ENTREP2: variants seen among roughly 807,000 people sequenced by gnomAD.
The protein encoded by ENTREP2 is endosomal transmembrane epsin interactor 2.
At chr15:29,160,708 CAAA>C in the ENTREP2 span, among the ~76,000 whole-genome samples, 4 of 36,256 alleles carry the variant, frequency 1.1e-4, no homozygotes, top group East Asian at 1.7e-3. Flanking sequence ...GACTCTGTCT[CAAA>C]AAAAAAAAAA....
At chr15:29,616,117 T>C in the ENTREP2 span, among the ~76,000 whole-genome samples, 5 of 152,214 alleles carry the variant, frequency 3.3e-5, no homozygotes, top group African/African-American at 4.8e-5. Flanking sequence ...ACAATGCAAA[T>C]ATACAGCAGT....
the ENTREP2 span, among the ~76,000 whole-genome samples, chr15:29,660,164 T>C: frequency 1.3e-5 from 2 of 152,196 alleles, no homozygotes; most frequent in Non-Finnish European, 2.9e-5. Context: ...TGAGCTATTA[T>C]AAATAATATG....
chr15:29,651,848 A>C, the ENTREP2 span, among the ~76,000 whole-genome samples: 1 of 152,200 alleles, frequency 6.6e-6, no homozygotes, highest in African/African-American at 2.4e-5. Flanking sequence ...GGTGCCCCTT[A>C]GTTCAAGCAG....
the ENTREP2 span, among the ~76,000 whole-genome samples, chr15:29,133,644 C>T: frequency 6.6e-6 from 1 of 152,218 alleles, no homozygotes; most frequent in Non-Finnish European, 1.5e-5. Flanking sequence ...TTTGGCAAAT[C>T]CAGGCTCCTG....
At chr15:29,154,704 G>A in the ENTREP2 span, among the ~76,000 whole-genome samples, 12 of 152,194 alleles carry the variant, frequency 7.9e-5, no homozygotes, top group Non-Finnish European at 1.8e-4. Flanking sequence ...GGCACACAGA[G>A]TCTAGCAGCA....
the ENTREP2 span, among the ~76,000 whole-genome samples, chr15:29,533,218 A>G: frequency 1.3e-5 from 2 of 152,226 alleles, no homozygotes; most frequent in Non-Finnish European, 2.9e-5. Flanking sequence ...ATTCTCTTGC[A>G]GTGCGCTATG....
the ENTREP2 span, among the ~76,000 whole-genome samples, chr15:29,352,487 C>G: frequency 6.6e-6 from 1 of 152,204 alleles, no homozygotes; most frequent in African/African-American, 2.4e-5. Flanking sequence ...ACGGTTTCTT[C>G]CTGCTTATGA....
chr15:29,222,647 A>G, the ENTREP2 span, among the ~76,000 whole-genome samples: 1 of 152,116 alleles, frequency 6.6e-6, no homozygotes, highest in African/African-American at 2.4e-5. Context: ...ACTCATGCTC[A>G]GGAGAATGTG....
chr15:29,149,206 A>G, the ENTREP2 span, among the ~76,000 whole-genome samples: 3 of 152,292 alleles, frequency 2.0e-5, no homozygotes, highest in Admixed American at 2.0e-4. Context: ...CGCAACCGCC[A>G]TAGTTGTCTC....
chr15:29,436,859 C>A, the ENTREP2 span, among the ~76,000 whole-genome samples: 1 of 152,082 alleles, frequency 6.6e-6, no homozygotes, highest in African/African-American at 2.4e-5. Flanking sequence ...GAATTTCCAA[C>A]GATGTTATAT....
the ENTREP2 span, among the ~76,000 whole-genome samples, chr15:29,378,075 A>G: frequency 6.6e-6 from 1 of 152,034 alleles, no homozygotes; most frequent in Admixed American, 6.6e-5. Context: ...CACAGACTAC[A>G]GTTGGCTGGA....
chr15:29,406,809 A>G, the ENTREP2 span, among the ~76,000 whole-genome samples: 1 of 152,088 alleles, frequency 6.6e-6, no homozygotes, highest in East Asian at 1.9e-4. Context: ...ACACAGCCAA[A>G]TGCACACACT....
the ENTREP2 span, among the ~76,000 whole-genome samples, chr15:29,403,975 C>T: frequency 0.089 from 13,607 of 152,206 alleles, 890 homozygotes; most frequent in East Asian, 0.31. Context: ...CTCCTCCCTG[C>T]TGCAGGTACT....
At chr15:29,222,201 T>C in the ENTREP2 span, among the ~76,000 whole-genome samples, 9 of 152,182 alleles carry the variant, frequency 5.9e-5, no homozygotes, top group Non-Finnish European at 7.3e-5. Context: ...AAAACCAAGA[T>C]GGTGACAAGA....
the ENTREP2 span, among the ~76,000 whole-genome samples, chr15:29,260,928 A>G: frequency 6.6e-6 from 1 of 152,194 alleles, no homozygotes; most frequent in African/African-American, 2.4e-5. Context: ...AATGATGCTA[A>G]ACCTGTTTCG....
the ENTREP2 span, among the ~76,000 whole-genome samples, chr15:29,146,229 C>T: frequency 6.6e-6 from 1 of 152,190 alleles, no homozygotes; most frequent in African/African-American, 2.4e-5. Flanking sequence ...TGACAATATT[C>T]CTGAAACTGA....
chr15:29,207,157 C>G, the ENTREP2 span, among the ~76,000 whole-genome samples: 1 of 152,130 alleles, frequency 6.6e-6, no homozygotes, highest in African/African-American at 2.4e-5. Flanking sequence ...TGGAGAGATG[C>G]TGAATGCAGT....
At chr15:29,231,370 G>A in the ENTREP2 span, among the ~76,000 whole-genome samples, 1 of 152,062 alleles carries the variant, frequency 6.6e-6, no homozygotes, top group Non-Finnish European at 1.5e-5. Flanking sequence ...CAACTCCCTA[G>A]TAAATGGCCT....
At chr15:29,389,158 A>G in the ENTREP2 span, among the ~76,000 whole-genome samples, 1 of 151,892 alleles carries the variant, frequency 6.6e-6, no homozygotes, top group South Asian at 2.1e-4. Context: ...GAACTATGAA[A>G]AAAAAAAAAA....
Sources: gnomAD v4.1 joint callset for allele counts (sites outside exome capture counted in the v4.1 genomes callset) on GRCh38, gnomAD v4.1.1 for gene constraint, MANE v1.5 for transcripts, NCBI Gene and HGNC (gene_info 2026-07-23, HGNC 2026-07-21) for gene names.